Variants in SETD2 observed in about 807,000 individuals in gnomAD.
The protein encoded by SETD2 is SET domain containing 2, histone lysine methyltransferase, also known as histone-lysine N-methyltransferase SETD2.
Under a neutral mutation model 242.1 loss-of-function variants are expected in SETD2, and 31 were observed. The observed-to-expected ratio is 0.13, with a 90% CI of 0.10 to 0.17. The LOEUF (loss-of-function observed/expected upper bound fraction) is 0.17, where lower values mean the gene tolerates loss of function less well. Among genes scored for constraint, SETD2 ranks in the 10% least tolerant of loss-of-function variants. The pLI, the probability that SETD2 is intolerant of heterozygous loss-of-function variation, is 1.00. For synonymous variants in SETD2, 1,006 were observed against 1,066.5 expected (o/e 0.94, Z 1.11); for missense variants, 2,481 against 3,046.3 (o/e 0.81, Z 4.37).
At chr3:47,036,266 T>C (rs1179115042) in intron 18 of SETD2, among the ~76,000 whole-genome samples, 2 of 152,170 alleles carry the variant, frequency 1.3e-5, no homozygotes, top group African/African-American at 4.8e-5. Context: ...TTCAAGACAC[T>C]TCATACGGTC....
At chr3:47,146,605 C>T (rs7648989) in intron 1 of SETD2, among the ~76,000 whole-genome samples, 48 of 146,104 alleles carry the variant, frequency 3.3e-4, no homozygotes, top group Middle Eastern at 3.5e-3. Flanking sequence ...CCAACCTGGG[C>T]GACACAGTGA....
At position 47,066,917 on chromosome 3, in the gene SETD2, A is replaced by G. The variant is rs1265701549; in HGVS notation, c.6109+153T>C. On this transcript the variant is annotated intron_variant, in intron 13 of 20. Transcript: ENST00000409792. ...AAAATGCATTAAGAATAAAAGCACA[A>G]GTTTCCAAACTTTTACACCAAATAT... 6.7e-6 allele frequency: 4 copies of G among 597,270 alleles called. No individual in the cohort carries two copies. In the African/African-American group the frequency reaches 7.5e-5, roughly 11 times the overall value. The allele number at this position is 597,270 out of a possible 1,614,324, so 37.0% of individuals were successfully genotyped here. A position where few individuals can be genotyped will look rare whatever the true frequency, so the allele number is the denominator to read the frequency against.
At chr3:47,101,612 G>GTA (rs2042216000) in intron 7 of SETD2, 57 bp from the exon 8 acceptor site, 2 of 802,856 alleles carry the variant, frequency 2.5e-6, no homozygotes, top group Non-Finnish European at 2.1e-6. Flanking sequence ...GTGTGTGTGT[G>GTA]TGTGTGTGTG....
chr3:47,074,722 C>A (rs990164245), intron 12 of SETD2, among the ~76,000 whole-genome samples: 2 of 149,326 alleles, frequency 1.3e-5, no homozygotes, highest in Non-Finnish European at 2.9e-5. Flanking sequence ...TATATACACG[C>A]CCCTGTTAGA....
At chr3:47,105,481 C>T (rs1004237294) in intron 6 of SETD2, among the ~76,000 whole-genome samples, 9 of 150,366 alleles carry the variant, frequency 6.0e-5, no homozygotes, top group East Asian at 2.0e-4. Flanking sequence ...AAACACACTA[C>T]GTTTATCTTT....
chr3:47,026,793 C>A (rs1193754755), intron 18 of SETD2, among the ~76,000 whole-genome samples: 1 of 151,814 alleles, frequency 6.6e-6, no homozygotes, highest in African/African-American at 2.4e-5. Context: ...ACATCACACA[C>A]TGGGGCCTGT....
intron 12 of SETD2, among the ~76,000 whole-genome samples, chr3:47,082,079 G>A (rs1458633181): frequency 6.6e-6 from 1 of 152,190 alleles, no homozygotes; most frequent in Non-Finnish European, 1.5e-5. Context: ...TGTCCAGAGT[G>A]TGAGTTTAAA....
At chr3:47,071,421 TC>T (rs2040812127) in intron 12 of SETD2, among the ~76,000 whole-genome samples, 1 of 152,184 alleles carries the variant, frequency 6.6e-6, no homozygotes, top group Non-Finnish European at 1.5e-5. Flanking sequence ...AAATTCTACT[TC>T]TAATTTATAG....
chr3:47,068,791 G>A (rs1297805988), intron 12 of SETD2, among the ~76,000 whole-genome samples: 6 of 151,586 alleles, frequency 4.0e-5, no homozygotes, highest in African/African-American at 9.7e-5. Context: ...CACTGCGCCC[G>A]GCCTATCTTT....
rs992969331 is a variant in SETD2 at position 47,120,292 on chromosome 3, G to A, written c.4344C>T (p.Ser1448=). 4.3e-6 allele frequency: 7 copies of A among 1,613,722 alleles called. No homozygotes were observed. Among genetic ancestry groups the A allele is most frequent in the Non-Finnish European group, 5.9e-6 (7 of 1,179,872 alleles). ...GGTCCCTGAAGTCATCCATGACACA[G>A]GAGGGCCCAACCAGTGCTGAACCTG... ...VPPGSALVGP[S]CVMDDFRDPQ... The change falls in exon 3 of 21, where the codon TCC becomes TCT. Residue 1448 remains serine, a synonymous_variant. Transcript: ENST00000409792.
At chr3:47,039,935 A>T (rs1049739686) in intron 17 of SETD2, among the ~76,000 whole-genome samples, 1 of 151,810 alleles carries the variant, frequency 6.6e-6, no homozygotes, top group African/African-American at 2.4e-5. Context: ...TTTTAAAATC[A>T]TTACACATTC....
intron 12 of SETD2, among the ~76,000 whole-genome samples, chr3:47,067,974 T>C (rs150546448): frequency 6.6e-6 from 1 of 152,356 alleles, no homozygotes; most frequent in African/African-American, 2.4e-5. Context: ...GTACCAAAAT[T>C]GATCCTGAGA....
At chr3:47,142,506 GTTAA>G (rs999240680) in intron 1 of SETD2, among the ~76,000 whole-genome samples, 4 of 151,790 alleles carry the variant, frequency 2.6e-5, no homozygotes, top group African/African-American at 9.7e-5. Flanking sequence ...AAGAATCTAA[GTTAA>G]TTAATTAATT....
chr3:47,117,299 T>C (rs1341355158), intron 3 of SETD2, among the ~76,000 whole-genome samples: 3 of 129,662 alleles, frequency 2.3e-5, no homozygotes, highest in Non-Finnish European at 4.8e-5. Context: ...AAAAAAAACA[T>C]GAGAAGGGCA....
intron 1 of SETD2, chr3:47,145,442 G>A: frequency 2.8e-6 from 1 of 363,056 alleles, no homozygotes; most frequent in Non-Finnish European, 5.7e-6. Context: ...CCAGGCTGGA[G>A]CAAGTACAGT....
chr3:47,021,022 A>G (rs1382740862), intron 18 of SETD2, among the ~76,000 whole-genome samples: 1 of 152,232 alleles, frequency 6.6e-6, no homozygotes, highest in Non-Finnish European at 1.5e-5. Context: ...GAGTAAAAAG[A>G]ATATAAAGAT....
intron 12 of SETD2, among the ~76,000 whole-genome samples, chr3:47,081,343 T>G (rs563725886): frequency 6.6e-6 from 1 of 152,332 alleles, no homozygotes; most frequent in East Asian, 1.9e-4. Flanking sequence ...CTGGGGAGAC[T>G]TGAAATGGCC....
chr3:47,157,891 GA>G (rs1321954274), intron 1 of SETD2, among the ~76,000 whole-genome samples: 38 of 144,436 alleles, frequency 2.6e-4, no homozygotes, highest in Middle Eastern at 3.5e-3. Flanking sequence ...AAAAAGAAAA[GA>G]AAAAAAAAAG....
intron 3 of SETD2, among the ~76,000 whole-genome samples, chr3:47,118,410 T>C (rs1449590949): frequency 6.6e-6 from 1 of 152,112 alleles, no homozygotes; most frequent in African/African-American, 2.4e-5. Context: ...GCCTAGCATA[T>C]AACAGGCACT....
Sources: allele counts gnomAD v4.1 joint callset (sites outside exome capture counted in the v4.1 genomes callset), GRCh38; gene constraint gnomAD v4.1.1; transcripts MANE v1.5; gene names NCBI Gene and HGNC (gene_info 2026-07-23, HGNC 2026-07-21).